The following PLD5 variants were observed in gnomAD, a reference collection of about 807,000 sequenced individuals.
PLD5 encodes inactive phospholipase D5.
PLD5 carries 36 observed loss-of-function variants against 61.1 expected under a neutral mutation model. That is an observed-to-expected ratio of 0.59 (90% CI 0.45 to 0.78). The LOEUF is 0.78. Ranked by LOEUF, PLD5 falls within the 30% of genes least tolerant of loss-of-function variation. PLD5 has a pLI of 0.00. For synonymous variants in PLD5, 243 were observed against 242.8 expected (o/e 1.00, Z -0.01); for missense variants, 515 against 644.4 (o/e 0.80, Z 2.17).
chr1:242,459,189 T>A (rs1162858622), intron 1 of PLD5, among the ~76,000 whole-genome samples: 3 of 152,196 alleles, frequency 2.0e-5, no homozygotes, highest in Non-Finnish European at 2.9e-5. Context: ...ACTTCTAATT[T>A]TTGTATAACT....
At chr1:242,106,785 A>T (rs896119723) in intron 8 of PLD5, among the ~76,000 whole-genome samples, 2 of 152,202 alleles carry the variant, frequency 1.3e-5, no homozygotes, top group Admixed American at 1.3e-4. Context: ...AGCCTGCCAC[A>T]GGCCAGATTC....
At chr1:242,458,108 A>T (rs1004887063) in intron 1 of PLD5, among the ~76,000 whole-genome samples, 1 of 152,168 alleles carries the variant, frequency 6.6e-6, no homozygotes, top group Non-Finnish European at 1.5e-5. Context: ...TTTAGGACAC[A>T]TGGTATCGGG....
Position 242,132,209 on chromosome 1 carries a change from G to A in PLD5, c.736-7544C>T, listed in dbSNP as rs561905581. Among the ~76,000 whole-genome samples, 38 of 119,510 alleles carry A rather than the reference G, an allele frequency of 3.2e-4. 7 individuals are homozygous for A. In the South Asian group the frequency reaches 0.011, roughly 34 times the overall value. 78.4% of individuals were successfully genotyped at this position (119,510 alleles called of 152,430 possible). On this transcript the variant is annotated intron_variant, in intron 5 of 9. Transcript: ENST00000536534. ...AGTGATTGCGGGGGGGGGGGGGGGC[G>A]GAATCATTTTTAGCTAGGTCATGAG... is the stretch of plus-strand genomic sequence containing the variant.
chr1:242,433,844 A>G (rs1400014426), intron 1 of PLD5, among the ~76,000 whole-genome samples: 1 of 152,226 alleles, frequency 6.6e-6, no homozygotes, highest in East Asian at 1.9e-4. Flanking sequence ...GGAAGAGCAC[A>G]TGCAGAGGTC....
At chr1:242,163,422 C>T (rs868143353) in intron 5 of PLD5, among the ~76,000 whole-genome samples, 2 of 151,822 alleles carry the variant, frequency 1.3e-5, no homozygotes, top group Non-Finnish European at 2.9e-5. Flanking sequence ...GGATTACAGG[C>T]GTGAGCCACT....
intron 5 of PLD5, among the ~76,000 whole-genome samples, chr1:242,189,953 C>T (rs1029173346): frequency 1.3e-5 from 2 of 152,064 alleles, no homozygotes; most frequent in Admixed American, 6.5e-5. Flanking sequence ...AGAGACAGCT[C>T]GGGAGCAGAG....
At chr1:242,139,561 C>A (rs1375617340) in intron 5 of PLD5, among the ~76,000 whole-genome samples, 2 of 152,096 alleles carry the variant, frequency 1.3e-5, no homozygotes, top group African/African-American at 2.4e-5. Flanking sequence ...CACAGTAGCT[C>A]AGGATCCTTC....
Position 242,255,748 on chromosome 1 carries a change from G to A in PLD5, c.607+9589C>T, listed in dbSNP as rs951464165. On this transcript the variant is annotated intron_variant, in intron 4 of 9. Transcript: ENST00000536534. Reference sequence around the variant, plus strand: ...CTTTCTTAAATTTAAATAAGCAATGGCAAAGATCACATTTAGAATTCAACA... The same window carrying A: ...CTTTCTTAAATTTAAATAAGCAATGACAAAGATCACATTTAGAATTCAACA... Among the ~76,000 whole-genome samples, 251 of 152,028 alleles carry A rather than the reference G, an allele frequency of 1.7e-3. 5 individuals carry two copies. The highest frequency in any genetic ancestry group is 5.3e-4 in the Non-Finnish European group (36 of 67,976).
At chr1:242,252,340 G>T (rs2149083549) in intron 4 of PLD5, among the ~76,000 whole-genome samples, 1 of 152,254 alleles carries the variant, frequency 6.6e-6, no homozygotes, top group East Asian at 1.9e-4. Context: ...AGAAGTAAGG[G>T]ATCTTACTCA....
chr1:242,374,933 T>C (rs982520242), intron 1 of PLD5, among the ~76,000 whole-genome samples: 1 of 152,212 alleles, frequency 6.6e-6, no homozygotes, highest in Admixed American at 6.5e-5. Flanking sequence ...GTGAGTTGAT[T>C]TTTTTCAGCA....
rs148056393 is a variant in PLD5 at position 242,384,624 on chromosome 1, T to C, written c.190-36382A>G. On this transcript the variant is annotated intron_variant, in intron 1 of 9. Transcript: ENST00000536534. ...ACTTCAGCATGGTCTCCAGGATTTC[T>C]GCCTTGGATACAAACAATCTACGCA... Among the ~76,000 whole-genome samples, 1,045 of 152,328 alleles carry C rather than the reference T, an allele frequency of 6.9e-3. 9 individuals carry two copies. The highest frequency in any genetic ancestry group is 0.024 in the African/African-American group (986 of 41,584).
At chr1:242,150,943 A>T (rs1295065311) in intron 5 of PLD5, among the ~76,000 whole-genome samples, 1 of 151,390 alleles carries the variant, frequency 6.6e-6, no homozygotes, top group African/African-American at 2.4e-5. Context: ...CTCTATCCTC[A>T]GCTCATTCTT....
At chr1:242,154,498 T>C (rs1437034559) in intron 5 of PLD5, among the ~76,000 whole-genome samples, 1 of 152,206 alleles carries the variant, frequency 6.6e-6, no homozygotes, top group Non-Finnish European at 1.5e-5. Flanking sequence ...ATAGCTCTTA[T>C]TATTTTGAGA....
intron 1 of PLD5, among the ~76,000 whole-genome samples, chr1:242,478,804 G>A (rs1667678286): frequency 6.6e-6 from 1 of 152,102 alleles, no homozygotes; most frequent in African/African-American, 2.4e-5. Context: ...CCAAAAGTAA[G>A]TAAAAAGTAT....
At chr1:242,476,245 C>A (rs1161274958) in intron 1 of PLD5, among the ~76,000 whole-genome samples, 1 of 152,054 alleles carries the variant, frequency 6.6e-6, no homozygotes, top group Non-Finnish European at 1.5e-5. Context: ...ATCCCAGCTA[C>A]TCAGGAGGCT....
intron 4 of PLD5, among the ~76,000 whole-genome samples, chr1:242,241,710 C>T (rs577526863): frequency 4.6e-5 from 7 of 151,764 alleles, no homozygotes; most frequent in East Asian, 1.9e-4. Context: ...GAGGTACAGG[C>T]TTCTCCATCT....
At chr1:242,100,847 CA>C in intron 8 of PLD5, 65 bp from the exon 9 acceptor site, 2 of 1,046,132 alleles carry the variant, frequency 1.9e-6, no homozygotes, top group Non-Finnish European at 2.9e-6. Flanking sequence ...TCCAAGAGCA[CA>C]AAAGAATGCA....
At chr1:242,287,035 C>T (rs921413525) in intron 3 of PLD5, among the ~76,000 whole-genome samples, 5 of 152,202 alleles carry the variant, frequency 3.3e-5, no homozygotes, top group South Asian at 2.1e-4. Flanking sequence ...GGACTTGAGA[C>T]GTGCTTCTAC....
chr1:242,423,381 G>A (rs951733827), intron 1 of PLD5, among the ~76,000 whole-genome samples: 2 of 152,206 alleles, frequency 1.3e-5, no homozygotes, highest in Admixed American at 1.3e-4. Context: ...GGGTGCAGTG[G>A]AAGGGCAGGA....
Sources: allele counts gnomAD v4.1 joint callset (sites outside exome capture counted in the v4.1 genomes callset), GRCh38; gene constraint gnomAD v4.1.1; transcripts MANE v1.5; gene names NCBI Gene and HGNC (gene_info 2026-07-23, HGNC 2026-07-21).